PPFIBP1: variants seen among roughly 807,000 people sequenced by gnomAD.
PPFIBP1 encodes the protein liprin-beta-1.
Under a neutral mutation model 137.8 loss-of-function variants are expected in PPFIBP1, and 112 were observed. The observed-to-expected ratio is 0.81, with a 90% CI of 0.70 to 0.95. The LOEUF is 0.95. PPFIBP1 is among the 40% of genes least tolerant of loss of function. The pLI, the probability that PPFIBP1 is intolerant of heterozygous loss-of-function variation, is 0.00. For synonymous variants in PPFIBP1, 378 were observed against 417.3 expected, an observed-to-expected ratio of 0.91 and a Z score of 1.15; for missense variants, 1,083 against 1,196.6, an observed-to-expected ratio of 0.91 and a Z score of 1.40.
chr12:27,668,352 G>C (rs895181675), intron 13 of PPFIBP1, among the ~76,000 whole-genome samples: 1 of 152,188 alleles, frequency 6.6e-6, no homozygotes, highest in Non-Finnish European at 1.5e-5. Context: ...ACGATGGTTG[G>C]ATAGGCATAA....
Position 27,646,114 on chromosome 12 carries a change from G to A in PPFIBP1, c.323G>A (p.Arg108His), listed in dbSNP as rs142823290. Residue 108 changes from arginine (R) to histidine (H), a missense_variant, in exon 5 of 30, where the codon CGT (arginine) becomes CAT (histidine). Physicochemically the swap from Arg to His is conservative, Grantham distance 29. Coordinates refer to ENST00000228425, the MANE Select transcript of PPFIBP1 (RefSeq NM_003622.4). The stretch of plus-strand genomic sequence containing the variant: ...GATGTGTATCAAGAAAGGCTGGCAC[G>A]TTTAGAAAATGATAAAGAATCCCTC... ...NGDVYQERLA[R>H]LENDKESLVL... is the part of the protein sequence containing the mutation. 78 of 1,611,938 alleles carry A rather than the reference G, an allele frequency of 4.8e-5. 1 individual carries two copies. Among genetic ancestry groups the A allele is most frequent in the Non-Finnish European group, 6.0e-5 (71 of 1,178,448 alleles).
At chr12:27,627,388 G>A (rs762520970) in intron 2 of PPFIBP1, among the ~76,000 whole-genome samples, 7 of 152,150 alleles carry the variant, frequency 4.6e-5, no homozygotes, top group South Asian at 2.1e-4. Flanking sequence ...ATACTGTGGC[G>A]TTCTACCAGC....
intron 27 of PPFIBP1, 127 bp from the exon 28 acceptor site, chr12:27,691,622 G>A: frequency 1.6e-6 from 1 of 626,012 alleles, no homozygotes; most frequent in South Asian, 2.7e-5. Context: ...TCTACCATGG[G>A]GTAAATAATT....
intron 15 of PPFIBP1, among the ~76,000 whole-genome samples, chr12:27,672,965 A>C (rs1212305513): frequency 3.0e-3 from 2 of 658 alleles, no homozygotes; most frequent in Non-Finnish European, 0.013. Context: ...CTCAAAAATG[A>C]GATCTTTTCT....
At chr12:27,547,511 G>C (rs1054163735) in intron 1 of PPFIBP1, 1 of 152,218 alleles carries the variant, frequency 6.6e-6, no homozygotes, top group Admixed American at 6.5e-5. Context: ...TTAGAAAACT[G>C]CTGCTGGTCT....
chr12:27,583,566 G>A (rs2137032853), intron 2 of PPFIBP1, among the ~76,000 whole-genome samples: 1 of 152,250 alleles, frequency 6.6e-6, no homozygotes, highest in Non-Finnish European at 1.5e-5. Flanking sequence ...TCGCACAGAG[G>A]CCTTTGAACA....
chr12:27,660,975 G>A, intron 11 of PPFIBP1, 30 bp downstream of exon 11: 1 of 1,608,070 alleles, frequency 6.2e-7, no homozygotes, highest in Non-Finnish European at 8.5e-7. Context: ...ATATACGTGT[G>A]GATGTTTTTT....
At chr12:27,624,800 A>G (rs556732280) in intron 2 of PPFIBP1, among the ~76,000 whole-genome samples, 10 of 152,244 alleles carry the variant, frequency 6.6e-5, no homozygotes, top group African/African-American at 2.4e-4. Flanking sequence ...CAAGTGTTTT[A>G]TTATTTGGTT....
intron 2 of PPFIBP1, among the ~76,000 whole-genome samples, chr12:27,589,266 C>T (rs1194102317): frequency 6.6e-6 from 1 of 152,128 alleles, no homozygotes; most frequent in Non-Finnish European, 1.5e-5. Context: ...TAACTTGCTT[C>T]ATTTTTCTTT....
At chr12:27,625,114 A>G (rs2056700346) in intron 2 of PPFIBP1, among the ~76,000 whole-genome samples, 1 of 151,994 alleles carries the variant, frequency 6.6e-6, no homozygotes, top group South Asian at 2.1e-4. Flanking sequence ...CTACAAAAAT[A>G]AGCCAGGTGT....
rs60834907 is a variant in PPFIBP1 at position 27,678,856 on chromosome 12, C to CAAAAAAAAAAAAAAA, written c.1616-622_1616-608dup. Reference sequence around the variant, plus strand: ...TGGGAAACAGAGTGAGACTCTGTCTCAAAAAAAAAAAAAAAAAAAAAAAAA... The same window carrying CAAAAAAAAAAAAAAA: ...TGGGAAACAGAGTGAGACTCTGTCTCAAAAAAAAAAAAAAAAAAAAAAAAAAAAAAAAAAAAAAAA... On this transcript the variant is annotated intron_variant, in intron 19 of 29. Coordinates refer to ENST00000228425, the MANE Select transcript of PPFIBP1 (RefSeq NM_003622.4). Among the ~76,000 whole-genome samples, 390 of 98,836 alleles carry CAAAAAAAAAAAAAAA rather than the reference C, an allele frequency of 3.9e-3. 13 individuals are homozygous for CAAAAAAAAAAAAAAA. The highest frequency in any genetic ancestry group is 0.012 in the East Asian group (32 of 2,708). The allele number at this position is 98,836 out of a possible 152,430, so 64.8% of individuals were successfully genotyped here.
rs542294340 is a variant in PPFIBP1 at position 27,568,485 on chromosome 12, C to T, written c.-123-9667C>T. ...CTTTCTTCACCAAGCCCATCTCATT[C>T]AGCTTCCAACTGTGTAAGGATGAGG... On this transcript the variant is annotated intron_variant, in intron 1 of 29. Coordinates refer to ENST00000228425, the MANE Select transcript of PPFIBP1 (RefSeq NM_003622.4). Among the ~76,000 whole-genome samples the T allele has an allele frequency of 2.0e-5, 3 of 152,330 alleles. 1 individual carries two copies. The highest frequency in any genetic ancestry group is 4.1e-4 in the South Asian group (2 of 4,820).
intron 8 of PPFIBP1, among the ~76,000 whole-genome samples, chr12:27,655,522 C>A (rs143255956): frequency 3.3e-5 from 5 of 152,166 alleles, no homozygotes; most frequent in South Asian, 2.1e-4. Context: ...TGTAAACATT[C>A]GCTTGTGAAA....
intron 2 of PPFIBP1, among the ~76,000 whole-genome samples, chr12:27,613,097 T>G (rs1397878083): frequency 6.6e-6 from 1 of 152,184 alleles, no homozygotes; most frequent in African/African-American, 2.4e-5. Context: ...GAGCATCTCT[T>G]AGATCTGAAT....
chr12:27,579,530 C>A (rs2050880111), intron 2 of PPFIBP1, among the ~76,000 whole-genome samples: 1 of 152,110 alleles, frequency 6.6e-6, no homozygotes, highest in Admixed American at 6.6e-5. Context: ...AGTGAATATT[C>A]TTTTGTGTCT....
rs116954321 is a variant in PPFIBP1 at position 27,568,160 on chromosome 12, G to C, written c.-123-9992G>C. On this transcript the variant is annotated intron_variant, in intron 1 of 29. Coordinates refer to ENST00000228425, the MANE Select transcript of PPFIBP1 (RefSeq NM_003622.4). ...GCCTCAAAAAGTTACAGCCCTTGAT[G>C]GTGTTGTGAAGAAGAAGGGTCATGG... Among the ~76,000 whole-genome samples, 81 of 152,322 alleles carry C rather than the reference G, an allele frequency of 5.3e-4. 2 individuals are homozygous for C. In the East Asian group the frequency reaches 0.016, roughly 29 times the overall value.
At chr12:27,568,790 G>A (rs2049901292) in intron 1 of PPFIBP1, among the ~76,000 whole-genome samples, 1 of 152,168 alleles carries the variant, frequency 6.6e-6, no homozygotes, top group Non-Finnish European at 1.5e-5. Context: ...GTTCAACCAT[G>A]AATGAACCCA....
chr12:27,618,445 G>A (rs1010759140), intron 2 of PPFIBP1, among the ~76,000 whole-genome samples: 3 of 152,164 alleles, frequency 2.0e-5, no homozygotes, highest in African/African-American at 7.2e-5. Flanking sequence ...CCTACCTGGA[G>A]GCTTTATCTG....
intron 1 of PPFIBP1, among the ~76,000 whole-genome samples, chr12:27,556,389 G>A (rs995990464): frequency 6.6e-6 from 1 of 152,188 alleles, no homozygotes; most frequent in African/African-American, 2.4e-5. Flanking sequence ...TGAAAAACCA[G>A]TTTCAGGCGT....
Sources: allele counts gnomAD v4.1 joint callset (sites outside exome capture counted in the v4.1 genomes callset), GRCh38; gene constraint gnomAD v4.1.1; transcripts MANE v1.5; gene names NCBI Gene and HGNC (gene_info 2026-07-23, HGNC 2026-07-21).